DEFB104A: variants seen among roughly 807,000 people sequenced by gnomAD.
The protein encoded by DEFB104A is defensin beta 104A.
chr8:7,838,977 T>C (rs1817703489), intron 1 of DEFB104A, among the ~76,000 whole-genome samples: 1 of 142,456 alleles, frequency 7.0e-6, no homozygotes, highest in East Asian at 2.0e-4. Context: ...TACCCTGGAA[T>C]GTATTTATTG....
chr8:7,837,272 G>C (rs1817668801), intron 1 of DEFB104A, among the ~76,000 whole-genome samples: 1 of 134,470 alleles, frequency 7.4e-6, no homozygotes, highest in African/African-American at 2.8e-5. Flanking sequence ...GGTACAGTGA[G>C]AGAAAATAAG....
intron 1 of DEFB104A, among the ~76,000 whole-genome samples, chr8:7,839,378 C>G (rs114733585): frequency 1.4e-5 from 2 of 144,802 alleles, no homozygotes; most frequent in East Asian, 2.0e-4. Context: ...CCTCCACATA[C>G]TCCCTCAGCA....
At chr8:7,838,956 G>A (rs537503552) in intron 1 of DEFB104A, among the ~76,000 whole-genome samples, 2 of 142,178 alleles carry the variant, frequency 1.4e-5, no homozygotes, top group East Asian at 2.0e-4. Context: ...AGAAACTAGT[G>A]TAGTGTAGTC....
chr8:7,836,653 A>G, intron 1 of DEFB104A, 111 bp downstream of exon 1: 3 of 928,230 alleles, frequency 3.2e-6, no homozygotes, highest in Non-Finnish European at 4.9e-6. Context: ...AACCTTCTTC[A>G]ATCTCAGCCT....
At chr8:7,837,341 C>T (rs1351629398) in intron 1 of DEFB104A, among the ~76,000 whole-genome samples, 2 of 139,052 alleles carry the variant, frequency 1.4e-5, no homozygotes, top group Non-Finnish European at 3.1e-5. Flanking sequence ...TGTTTTGACT[C>T]GTAGAAGCCA....
At chr8:7,840,139 C>A (rs1349729505) in intron 1 of DEFB104A, among the ~76,000 whole-genome samples, 1 of 150,308 alleles carries the variant, frequency 6.7e-6, no homozygotes, top group Non-Finnish European at 1.5e-5. Context: ...CTACTTGCAA[C>A]CACTCTAGTT....
Position 7,836,462 on chromosome 8 carries a change from T to G in DEFB104A, c.-23T>G, listed in dbSNP as rs2128924420. On this transcript the variant is annotated 5_prime_UTR_variant, in exon 1 of 2. Coordinates refer to ENST00000314265, the MANE Select transcript of DEFB104A (RefSeq NM_080389.3). ...GTGATTCCCTCCGACTTGCGTCTGC[T>G]TCTCGCCAGCAGCCCCAGCATTATG... The G allele has an allele frequency of 7.6e-7, 1 of 1,307,722 alleles. No individual in the cohort carries two copies. Among genetic ancestry groups the G allele is most frequent in the East Asian group, 2.5e-5 (1 of 39,800 alleles). The allele number at this position is 1,307,722 out of a possible 1,614,324, so 81.0% of individuals were successfully genotyped here. A position where few individuals can be genotyped will look rare whatever the true frequency, so the allele number is the denominator to read the frequency against.
chr8:7,838,702 A>AAACAAAC (rs77922782), intron 1 of DEFB104A, among the ~76,000 whole-genome samples: 1 of 136,326 alleles, frequency 7.3e-6, no homozygotes. Flanking sequence ...AAAAACAAAC[A>AAACAAAC]AAAAAAAAAA....
rs375891223 is a variant in DEFB104A at position 7,839,088 on chromosome 8, C to G, written c.59-1946C>G. Among the ~76,000 whole-genome samples, 5 of 144,198 alleles carry G rather than the reference C, an allele frequency of 3.5e-5. No individual in the cohort carries two copies. In the East Asian group the frequency reaches 9.9e-4, roughly 29 times the overall value. The allele number at this position is 144,198 out of a possible 152,430, so 94.6% of individuals were successfully genotyped here. ...AAGACATACCAACTAGGTTTTTCTTCCAGCTTTGACACATAAGTTGCTGTG... is the reference window on the plus strand; with the variant it reads ...AAGACATACCAACTAGGTTTTTCTTGCAGCTTTGACACATAAGTTGCTGTG... On this transcript the variant is annotated intron_variant, in intron 1 of 1. Coordinates refer to ENST00000314265, the MANE Select transcript of DEFB104A (RefSeq NM_080389.3).
At chr8:7,839,286 C>T (rs1480511141) in intron 1 of DEFB104A, among the ~76,000 whole-genome samples, 1 of 144,630 alleles carries the variant, frequency 6.9e-6, no homozygotes, top group African/African-American at 2.5e-5. Flanking sequence ...AGCAAGCATG[C>T]TGTCCTCTTT....
intron 1 of DEFB104A, among the ~76,000 whole-genome samples, chr8:7,839,008 C>G (rs1817704047): frequency 7.0e-6 from 1 of 142,984 alleles, no homozygotes; most frequent in South Asian, 2.2e-4. Context: ...GTTTATTACT[C>G]AGCCTTAGTG....
chr8:7,839,328 C>T (rs1262466292), intron 1 of DEFB104A, among the ~76,000 whole-genome samples: 2 of 145,388 alleles, frequency 1.4e-5, no homozygotes, highest in African/African-American at 5.0e-5. Context: ...GTAAAGCGAC[C>T]TGCCACAGAT....
At chr8:7,837,728 G>A (rs1213659813) in intron 1 of DEFB104A, among the ~76,000 whole-genome samples, 1 of 142,212 alleles carries the variant, frequency 7.0e-6, no homozygotes, top group Admixed American at 7.1e-5. Context: ...ACACTTGGCT[G>A]CAGAGGGCTG....
chr8:7,837,510 T>C (rs1015730633), intron 1 of DEFB104A, among the ~76,000 whole-genome samples: 6 of 141,760 alleles, frequency 4.2e-5, no homozygotes, highest in African/African-American at 5.3e-5. Flanking sequence ...TCTTCCTTTT[T>C]CTTTCTTCCC....
rs1396161093 is a variant in DEFB104A at position 7,837,538 on chromosome 8, C to T, written c.58+996C>T. Among the ~76,000 whole-genome samples, 3 of 140,720 alleles carry T rather than the reference C, an allele frequency of 2.1e-5. No homozygotes were observed. In the Admixed American group the frequency reaches 2.2e-4, roughly 10 times the overall value. 92.3% of individuals were successfully genotyped at this position (140,720 alleles called of 152,430 possible). The stretch of plus-strand genomic sequence containing the variant: ...TTCTTCCCGTGTCATTTCCCAAAGA[C>T]ACTTCTGTGAAATTCTGCTATGGGC... On this transcript the variant is annotated intron_variant, in intron 1 of 1. Transcript: ENST00000314265.
chr8:7,837,371 C>A (rs1289604032), intron 1 of DEFB104A, among the ~76,000 whole-genome samples: 1 of 141,102 alleles, frequency 7.1e-6, no homozygotes, highest in African/African-American at 2.7e-5. Context: ...CTCTTCCAAG[C>A]TGCTCAGTCA....
chr8:7,836,785 G>C (rs1403154796), intron 1 of DEFB104A, among the ~76,000 whole-genome samples: 1 of 144,338 alleles, frequency 6.9e-6, no homozygotes, highest in Non-Finnish European at 1.5e-5. Context: ...GGGATCAGGA[G>C]TCCTAGATGT....
intron 1 of DEFB104A, among the ~76,000 whole-genome samples, chr8:7,837,516 T>G (rs1274230385): frequency 1.4e-5 from 2 of 141,536 alleles, no homozygotes; most frequent in African/African-American, 5.3e-5. Flanking sequence ...TTTTTCTTTC[T>G]TCCCGTGTCA....
intron 1 of DEFB104A, 137 bp from the exon 2 acceptor site, chr8:7,840,894 TGGA>T: frequency 1.8e-6 from 2 of 1,094,532 alleles, no homozygotes; most frequent in Non-Finnish European, 2.8e-6. Context: ...TCTAGGAAAG[TGGA>T]GGAGGATGGG....
Sources: allele counts gnomAD v4.1 joint callset (sites outside exome capture counted in the v4.1 genomes callset), GRCh38; gene constraint gnomAD v4.1.1; transcripts MANE v1.5; gene names NCBI Gene and HGNC (gene_info 2026-07-23, HGNC 2026-07-21).